CHODL: variants seen among roughly 807,000 people sequenced by gnomAD.
CHODL encodes the protein transmembrane protein MT75.
CHODL carries 29 observed loss-of-function variants against 34.5 expected under a neutral mutation model. The ratio of observed to expected loss-of-function variants is 0.84; its 90% CI spans 0.63 to 1.15. The LOEUF is 1.15. Ranked by LOEUF, CHODL falls within the 50% of genes most tolerant of loss-of-function variation. The pLI, the probability that CHODL is intolerant of heterozygous loss-of-function variation, is 0.00. For missense variants in CHODL, 332 were observed against 332.5 expected (o/e 1.00, Z 0.01); for synonymous variants, 125 against 116.1 (o/e 1.08, Z -0.49).
chr21:18,178,875 T>A lies in CHODL; in HGVS notation c.-44-77634T>A, dbSNP rs537965804. Reference sequence around the variant, plus strand: ...TCATGTATGTTAGAAAGTGTTGTGGTTATCAATTGTTTTTGTTACTGTTGA... The same window carrying A: ...TCATGTATGTTAGAAAGTGTTGTGGATATCAATTGTTTTTGTTACTGTTGA... On this transcript the variant is annotated intron_variant, in intron 2 of 6. Transcript: ENST00000400127. Among the ~76,000 whole-genome samples the A allele has an allele frequency of 3.9e-5, 6 of 152,280 alleles. No homozygotes were observed. In the South Asian group the frequency reaches 1.2e-3, roughly 32 times the overall value.
At chr21:18,076,791 G>A (rs1004766972) in intron 2 of CHODL, among the ~76,000 whole-genome samples, 4 of 152,244 alleles carry the variant, frequency 2.6e-5, no homozygotes, top group Admixed American at 2.6e-4. Flanking sequence ...GCCCTCATTA[G>A]GGCAATGCCT....
chr21:17,950,737 A>G (rs2063450492), intron 1 of CHODL, among the ~76,000 whole-genome samples: 3 of 152,214 alleles, frequency 2.0e-5, no homozygotes, highest in Admixed American at 2.0e-4. Flanking sequence ...TTGACAAAGT[A>G]TAAGGATAGC....
rs1160052412 is a variant in CHODL at position 18,256,577 on chromosome 21, A to G, written c.148A>G (p.Ser50Gly). The G allele has an allele frequency of 6.2e-7, 1 of 1,613,738 alleles. No homozygotes were observed. The highest frequency in any genetic ancestry group is 1.7e-5 in the Admixed American group (1 of 59,930). ...AATGGCCTACTTCCATGAACTGTCC[A>G]GCCGAGTGAGCTTTCAGGAGGCACG... ...YKMAYFHELS[S>G]RVSFQEARLA... is the part of the protein sequence containing the mutation. Residue 50 changes from serine (S) to glycine (G), a missense_variant, in exon 2 of 6, where the codon AGC becomes GGC. Coordinates refer to ENST00000299295, the MANE Select transcript of CHODL (RefSeq NM_024944.3).
chr21:18,042,888 T>C (rs1046180456), intron 2 of CHODL, among the ~76,000 whole-genome samples: 1 of 151,978 alleles, frequency 6.6e-6, no homozygotes, highest in Non-Finnish European at 1.5e-5. Context: ...GGGCTGTATT[T>C]AAGAATGGTC....
intron 2 of CHODL, among the ~76,000 whole-genome samples, chr21:18,132,968 G>A (rs2072675221): frequency 6.6e-6 from 1 of 151,800 alleles, no homozygotes; most frequent in Non-Finnish European, 1.5e-5. Context: ...TATGACTCTC[G>A]AGTCTTTGAA....
chr21:18,039,394 C>T (rs1007933072), intron 2 of CHODL, among the ~76,000 whole-genome samples: 3 of 151,598 alleles, frequency 2.0e-5, no homozygotes, highest in Non-Finnish European at 4.4e-5. Context: ...AGTCATATCC[C>T]ATGCTGTTCT....
intron 1 of CHODL, among the ~76,000 whole-genome samples, chr21:18,018,496 C>T (rs950523096): frequency 2.6e-5 from 4 of 152,140 alleles, no homozygotes; most frequent in African/African-American, 9.7e-5. Flanking sequence ...TTCACCCCCA[C>T]TCTCTCTTGC....
In CHODL at chr21:18,220,589, C is replaced by T. The variant is rs570296211; in HGVS notation, c.-44-35920C>T. 4.6e-5 allele frequency among the ~76,000 whole-genome samples: 7 copies of T among 152,114 alleles called. No homozygotes were observed. The South Asian group carries it at 1.5e-3, about 32-fold the overall frequency. On this transcript the variant is annotated intron_variant, in intron 2 of 6. Coordinates refer to the CHODL transcript ENST00000400127. ...ACTCCCTTAAGCATTTCTTGTAGGC[C>T]TGATCTAGTCATGAATTCTCATAAT...
intron 2 of CHODL, chr21:18,134,215 C>T (rs970027362): frequency 2.2e-6 from 1 of 449,218 alleles, no homozygotes. Flanking sequence ...ATGAGGTTAC[C>T]ACTCTTTTGT....
At chr21:18,182,754 C>T (rs2073396237) in intron 2 of CHODL, among the ~76,000 whole-genome samples, 1 of 152,082 alleles carries the variant, frequency 6.6e-6, no homozygotes, top group African/African-American at 2.4e-5. Flanking sequence ...GTGCATTAGT[C>T]CTTCCTAGAA....
intron 1 of CHODL, among the ~76,000 whole-genome samples, chr21:17,993,991 T>A (rs1354154050): frequency 6.6e-6 from 1 of 152,200 alleles, no homozygotes; most frequent in African/African-American, 2.4e-5. Context: ...TTTTTGAGTC[T>A]TCTTTCTTTT....
At chr21:18,161,657 T>C (rs182937633) in intron 2 of CHODL, among the ~76,000 whole-genome samples, 17 of 152,324 alleles carry the variant, frequency 1.1e-4, no homozygotes, top group Non-Finnish European at 1.3e-4. Context: ...TGTTCACTTC[T>C]CTGTTTCTAC....
chr21:17,930,205 C>T (rs1488468199), intron 1 of CHODL, among the ~76,000 whole-genome samples: 1 of 152,052 alleles, frequency 6.6e-6, no homozygotes, highest in Non-Finnish European at 1.5e-5. Context: ...GCCAAAGGCC[C>T]CACAGCTGTT....
chr21:17,996,541 A>G (rs1458473535), intron 1 of CHODL, among the ~76,000 whole-genome samples: 1 of 152,224 alleles, frequency 6.6e-6, no homozygotes, highest in African/African-American at 2.4e-5. Context: ...GTGGCATCAC[A>G]TAAGTAAGAA....
chr21:18,113,636 C>T (rs957740614), intron 2 of CHODL, among the ~76,000 whole-genome samples: 1 of 152,110 alleles, frequency 6.6e-6, no homozygotes. Context: ...TGAGAACTTA[C>T]TATCACCAGA....
At chr21:18,244,507 G>T (rs990258537), upstream of CHODL, among the ~76,000 whole-genome samples, 1 of 152,126 alleles carries the variant, frequency 6.6e-6, no homozygotes, top group Non-Finnish European at 1.5e-5. Flanking sequence ...AAAGAGAAAG[G>T]CCACACAACT....
At chr21:17,992,718 GTTTTTTTT>G (rs869044440) in intron 1 of CHODL, among the ~76,000 whole-genome samples, 4 of 57,228 alleles carry the variant, frequency 7.0e-5, no homozygotes, top group Non-Finnish European at 9.6e-5. Flanking sequence ...TGGTGGAGTT[GTTTTTTTT>G]TTTTTTTTTT....
intron 2 of CHODL, among the ~76,000 whole-genome samples, chr21:18,100,709 A>G (rs1019204041): frequency 1.3e-5 from 2 of 152,292 alleles, no homozygotes. Context: ...AGGCACAAAA[A>G]GGTAAAGTGG....
In CHODL at chr21:18,266,216, T is replaced by C; in HGVS notation, c.*178T>C. 6.5e-7 allele frequency: 1 copy of C among 1,526,818 alleles called. No homozygotes were observed. The highest frequency in any genetic ancestry group is 8.8e-7 in the Non-Finnish European group (1 of 1,136,266). 94.6% of individuals were successfully genotyped at this position (1,526,818 alleles called of 1,614,324 possible). A position where few individuals can be genotyped will look rare whatever the true frequency, so the allele number is the denominator to read the frequency against. ...TGTCTATTATTTCATTTAAAGAATA[T>C]GCTGTGCTAATAATGGAGTGAGACA... On this transcript the variant is annotated 3_prime_UTR_variant, in exon 6 of 6. Transcript: ENST00000299295.
Sources: gnomAD v4.1 joint callset for allele counts (sites outside exome capture counted in the v4.1 genomes callset) on GRCh38, gnomAD v4.1.1 for gene constraint, MANE v1.5 for transcripts, NCBI Gene and HGNC (gene_info 2026-07-23, HGNC 2026-07-21) for gene names.